KCNA6: variants seen among roughly 807,000 people sequenced by gnomAD.
The protein encoded by KCNA6 is human brain potassium channel-2.
A neutral mutation model predicts 29.5 loss-of-function variants in KCNA6; 17 were observed. The observed-to-expected ratio is 0.58, with a 90% CI of 0.39 to 0.86. KCNA6 has a LOEUF of 0.86. Among genes scored for constraint, KCNA6 ranks in the 40% least tolerant of loss-of-function variants. KCNA6 has a pLI of 0.00. For missense variants in KCNA6, 450 were observed against 703.4 expected (o/e 0.64, Z 4.07); for synonymous variants, 296 against 304.7 (o/e 0.97, Z 0.30).
At chr12:4,809,683 G>A in exon 1 of KCNA6, 1 of 215,084 alleles carries the variant, frequency 4.6e-6, no homozygotes, top group Non-Finnish European at 9.1e-6. Context: ...GGACCTCTGC[G>A]TCCGGGAGCC....
chr12:4,817,361 C>T (rs1228421586), downstream of KCNA6, among the ~76,000 whole-genome samples: 3 of 152,194 alleles, frequency 2.0e-5, no homozygotes, highest in Non-Finnish European at 4.4e-5. Flanking sequence ...CTTTTAGCCT[C>T]TCATCTTGCC....
the KCNA6 span, among the ~76,000 whole-genome samples, chr12:4,824,356 C>T: frequency 6.6e-6 from 1 of 152,166 alleles, no homozygotes; most frequent in Admixed American, 6.5e-5. Context: ...AATAGTTTCT[C>T]TTGTTTTGTA....
the KCNA6 span, among the ~76,000 whole-genome samples, chr12:4,825,579 T>G: frequency 5.9e-5 from 9 of 152,338 alleles, no homozygotes; most frequent in Admixed American, 4.6e-4. Context: ...TGAAAGGTTT[T>G]TTCAGTTGGA....
the KCNA6 span, among the ~76,000 whole-genome samples, chr12:4,843,241 C>T: frequency 6.0e-5 from 9 of 150,382 alleles, no homozygotes; most frequent in African/African-American, 1.7e-4. Flanking sequence ...AGTGCAGTGG[C>T]GCGATCTCGG....
the KCNA6 span, among the ~76,000 whole-genome samples, chr12:4,826,216 G>A: frequency 6.6e-6 from 1 of 152,100 alleles, no homozygotes; most frequent in Non-Finnish European, 1.5e-5. Flanking sequence ...TTTCTTCTAG[G>A]TGTTTTTTGT....
the KCNA6 span, among the ~76,000 whole-genome samples, chr12:4,829,439 G>C: frequency 6.6e-6 from 1 of 152,022 alleles, no homozygotes; most frequent in African/African-American, 2.4e-5. Flanking sequence ...CTTATTGCTC[G>C]CTAAATATAG....
At chr12:4,822,635 T>A in the KCNA6 span, among the ~76,000 whole-genome samples, 2 of 152,168 alleles carry the variant, frequency 1.3e-5, no homozygotes, top group South Asian at 4.1e-4. Context: ...CAGGCAAACT[T>A]CTGCGTTCAG....
the KCNA6 span, among the ~76,000 whole-genome samples, chr12:4,844,815 A>C: frequency 6.6e-6 from 1 of 152,076 alleles, no homozygotes; most frequent in Non-Finnish European, 1.5e-5. This position sits in a 1 kb window ranked among gnomAD's most constrained non-coding sequence, Gnocchi z 4.0. Flanking sequence ...ACTATCAAAG[A>C]CTATTTTCTG....
the KCNA6 span, among the ~76,000 whole-genome samples, chr12:4,829,782 T>A: frequency 1.3e-5 from 2 of 152,154 alleles, no homozygotes; most frequent in Non-Finnish European, 2.9e-5. Context: ...GCTGATAATA[T>A]CGCACCTATA....
At chr12:4,834,585 A>G in the KCNA6 span, among the ~76,000 whole-genome samples, 1 of 152,164 alleles carries the variant, frequency 6.6e-6, no homozygotes, top group Non-Finnish European at 1.5e-5. Context: ...GTGAGGGCTC[A>G]GATCCTGCCC....
the KCNA6 span, among the ~76,000 whole-genome samples, chr12:4,837,679 C>G: frequency 6.6e-6 from 1 of 152,022 alleles, no homozygotes; most frequent in African/African-American, 2.4e-5. Flanking sequence ...TGTTTTTTGT[C>G]TACTCACAGA....
At chr12:4,842,508 C>T in the KCNA6 span, 1 of 153,050 alleles carries the variant, frequency 6.5e-6, no homozygotes, top group African/African-American at 2.4e-5. Flanking sequence ...GTTTAATTGA[C>T]TCACTGTTCC....
the KCNA6 span, among the ~76,000 whole-genome samples, chr12:4,849,887 G>T: frequency 2.0e-5 from 3 of 152,246 alleles, no homozygotes; most frequent in Non-Finnish European, 4.4e-5. Flanking sequence ...AAATGACAAT[G>T]ATTGCTGGTT....
the KCNA6 span, among the ~76,000 whole-genome samples, chr12:4,839,671 C>CT: frequency 6.6e-6 from 1 of 152,116 alleles, no homozygotes; most frequent in African/African-American, 2.4e-5. Flanking sequence ...CAAAAGCCAC[C>CT]TTGTGGAAAC....
chr12:4,849,278 GT>G, the KCNA6 span, among the ~76,000 whole-genome samples: 1 of 151,986 alleles, frequency 6.6e-6, no homozygotes, highest in Non-Finnish European at 1.5e-5. Flanking sequence ...GACCCGTAGC[GT>G]TTGGAACTTG....
the KCNA6 span, among the ~76,000 whole-genome samples, chr12:4,835,381 G>T: frequency 6.6e-6 from 1 of 152,048 alleles, no homozygotes; most frequent in Admixed American, 6.5e-5. Context: ...TGATCCGCCC[G>T]CCTCAGCCTC....
the KCNA6 span, among the ~76,000 whole-genome samples, chr12:4,835,969 C>T: frequency 9.0e-5 from 12 of 133,908 alleles, no homozygotes; most frequent in African/African-American, 2.2e-4. Flanking sequence ...GACGGAGTTT[C>T]GCTCTTGTTG....
chr12:4,844,825 G>C, the KCNA6 span, among the ~76,000 whole-genome samples: 1 of 151,834 alleles, frequency 6.6e-6, no homozygotes, highest in East Asian at 1.9e-4. This position sits in a 1 kb window ranked among gnomAD's most constrained non-coding sequence, Gnocchi z 4.0. Context: ...ACTATTTTCT[G>C]CATTGTCAAG....
chr12:4,835,876 C>T, the KCNA6 span, among the ~76,000 whole-genome samples: 1 of 152,078 alleles, frequency 6.6e-6, no homozygotes, highest in East Asian at 1.9e-4. Context: ...AAGTGGTGCC[C>T]TTAAGGCAGG....
Sources: allele counts gnomAD v4.1 joint callset (sites outside exome capture counted in the v4.1 genomes callset), GRCh38; gene constraint gnomAD v4.1.1; non-coding constraint Gnocchi (gnomAD v3.1); transcripts MANE v1.5; gene names NCBI Gene and HGNC (gene_info 2026-07-23, HGNC 2026-07-21).